The following TAX1BP1 variants were observed in gnomAD, a reference collection of about 807,000 sequenced individuals.
The protein encoded by TAX1BP1 is Tax1 binding protein 1.
TAX1BP1 carries 62 observed loss-of-function variants against 97.7 expected under a neutral mutation model. The ratio of observed to expected loss-of-function variants is 0.63; its 90% CI spans 0.52 to 0.78. The LOEUF is 0.78. Ranked by LOEUF, TAX1BP1 falls within the 30% of genes least tolerant of loss-of-function variation. The pLI, the probability that TAX1BP1 is intolerant of heterozygous loss-of-function variation, is 0.00. For missense variants in TAX1BP1, 867 were observed against 916.1 expected (o/e 0.95, Z 0.69); for synonymous variants, 340 against 304.2 (o/e 1.12, Z -1.23).
At chr7:27,790,571 A>G (rs4719909) in intron 8 of TAX1BP1, among the ~76,000 whole-genome samples, 279 of 152,098 alleles carry the variant, frequency 1.8e-3, no homozygotes, top group Admixed American at 4.3e-3. Context: ...ATCATAGTTT[A>G]TCATAAATTC....
intron 4 of TAX1BP1, among the ~76,000 whole-genome samples, chr7:27,766,853 A>G (rs1386205131): frequency 6.6e-6 from 1 of 152,164 alleles, no homozygotes; most frequent in Non-Finnish European, 1.5e-5. Context: ...CAGTCTCTTA[A>G]TTTAGATTGG....
intron 8 of TAX1BP1, among the ~76,000 whole-genome samples, chr7:27,789,844 G>C (rs529824085): frequency 6.6e-6 from 1 of 152,078 alleles, no homozygotes; most frequent in East Asian, 1.9e-4. Context: ...CAGATTGCCA[G>C]TGCAAACATG....
intron 2 of TAX1BP1, among the ~76,000 whole-genome samples, chr7:27,749,471 T>A (rs17155769): frequency 0.042 from 6,359 of 152,318 alleles, 417 homozygotes; most frequent in African/African-American, 0.14. Context: ...TTTTATGGGC[T>A]TGAAATTTTG....
At chr7:27,741,342 A>T (rs929848913) in intron 1 of TAX1BP1, among the ~76,000 whole-genome samples, 1 of 152,176 alleles carries the variant, frequency 6.6e-6, no homozygotes, top group African/African-American at 2.4e-5. Context: ...TTAGGGAAGG[A>T]GCTTAGGACA....
intron 1 of TAX1BP1, among the ~76,000 whole-genome samples, chr7:27,748,246 T>A (rs377617435): frequency 3.9e-5 from 6 of 152,346 alleles, no homozygotes; most frequent in East Asian, 3.9e-4. Flanking sequence ...AGGGCTAGGC[T>A]TTCCAGGAGA....
chr7:27,791,312 AC>A lies in TAX1BP1; in HGVS notation c.1039-693del, dbSNP rs541857103. The stretch of plus-strand genomic sequence containing the variant: ...AGATTAAAAACAGGAAGTTGAATAA[AC>A]TAAATTTATTGTGTTTATAATGTTT... On this transcript the variant is annotated intron_variant, in intron 8 of 16. Transcript: ENST00000396319. Among the ~76,000 whole-genome samples, 306 of 152,260 alleles carry A rather than the reference AC, an allele frequency of 2.0e-3. 1 individual carries two copies. The highest frequency in any genetic ancestry group is 7.1e-3 in the Admixed American group (108 of 15,284).
Position 27,794,322 on chromosome 7 carries a change from G to A in TAX1BP1, c.1411-1G>A. On this transcript the variant is annotated splice_acceptor_variant, in intron 10 of 16. Transcript: ENST00000396319. LOFTEE classifies it high-confidence loss of function. ...TAACAACTTATTAACATTTTGAATA[G>A]GCTAATAATAATAATGTCTTCACAA... 1.2e-6 allele frequency: 2 copies of A among 1,607,380 alleles called. No homozygotes were observed. The highest frequency in any genetic ancestry group is 1.7e-6 in the Non-Finnish European group (2 of 1,176,038).
intron 15 of TAX1BP1, among the ~76,000 whole-genome samples, chr7:27,821,624 G>T (rs1014817452): frequency 7.2e-6 from 1 of 138,292 alleles, no homozygotes; most frequent in African/African-American, 2.7e-5. Context: ...AACAGAGCAA[G>T]ACTCGGTCTC....
At chr7:27,782,391 C>T (rs1645291756) in intron 5 of TAX1BP1, among the ~76,000 whole-genome samples, 1 of 151,870 alleles carries the variant, frequency 6.6e-6, no homozygotes, top group Admixed American at 6.6e-5. Context: ...AGGCACACAC[C>T]ACCACGCCCA....
chr7:27,771,150 C>G (rs879822448), intron 5 of TAX1BP1, among the ~76,000 whole-genome samples: 1 of 52,158 alleles, frequency 1.9e-5, no homozygotes, highest in Non-Finnish European at 3.7e-5. Context: ...TTGTAATTCT[C>G]TTGCTGCTTT....
chr7:27,741,570 G>A (rs1180220571), intron 1 of TAX1BP1, among the ~76,000 whole-genome samples: 2 of 151,160 alleles, frequency 1.3e-5, no homozygotes, highest in Admixed American at 6.6e-5. Context: ...GCGCGATCGC[G>A]GCTCATTGCA....
At chr7:27,794,577 C>A in intron 11 of TAX1BP1, 131 bp downstream of exon 11, 4 of 955,412 alleles carry the variant, frequency 4.2e-6, no homozygotes, top group South Asian at 2.4e-5. Flanking sequence ...ATTGAGGCAA[C>A]AAGAAAATAA....
chr7:27,800,091 G>GAACT lies in TAX1BP1; in HGVS notation c.1764+1_1764+2insAACT, dbSNP rs1790075306. ...AGCTGAAGTACAGGACAATTATAAA[G>GAACT]TAAGTTTGGTACTCCTTGTATGTAA... On this transcript the variant is annotated splice_donor_variant, in intron 13 of 16. Transcript: ENST00000396319. LOFTEE classifies it high-confidence loss of function. 6.4e-7 allele frequency: 1 copy of GAACT among 1,569,394 alleles called. No individual in the cohort carries two copies.
At chr7:27,793,265 C>G in intron 10 of TAX1BP1, 53 bp downstream of exon 10, 1 of 1,443,534 alleles carries the variant, frequency 6.9e-7, no homozygotes, top group Non-Finnish European at 9.2e-7. Flanking sequence ...TATTTTTGTT[C>G]GAAAATCAAA....
chr7:27,828,583 C>G, intron 16 of TAX1BP1, 45 bp from the exon 17 acceptor site: 1 of 1,575,950 alleles, frequency 6.3e-7, no homozygotes, highest in Non-Finnish European at 8.7e-7. Flanking sequence ...AGTTGTTGTT[C>G]TACATTTATT....
At chr7:27,744,885 A>G (rs1389437259) in intron 1 of TAX1BP1, among the ~76,000 whole-genome samples, 1 of 152,224 alleles carries the variant, frequency 6.6e-6, no homozygotes, top group Non-Finnish European at 1.5e-5. Flanking sequence ...TGGAATTTAG[A>G]CCAAAGACTT....
At position 27,829,182 on chromosome 7, in the gene TAX1BP1, A is replaced by C. The variant is rs887899112; in HGVS notation, c.*353A>C. 1.2e-5 allele frequency: 2 copies of C among 170,964 alleles called. No individual in the cohort carries two copies. Among genetic ancestry groups the C allele is most frequent in the East Asian group, 3.1e-4 (2 of 6,354 alleles). 10.6% of individuals were successfully genotyped at this position (170,964 alleles called of 1,614,324 possible). On this transcript the variant is annotated 3_prime_UTR_variant, in exon 17 of 17. Coordinates refer to ENST00000396319, the MANE Select transcript of TAX1BP1 (RefSeq NM_006024.7). ...ATTAGTGTGCTAGATTATTTAGCAG[A>C]ATATTCACAAGTTTCTGTTGACCTT...
At position 27,758,050 on chromosome 7, in the gene TAX1BP1, G is replaced by A. The variant is rs1189332165; in HGVS notation, c.182G>A (p.Arg61His). ...CTTTAGGTTGGATGGAGTACTGCTC[G>A]TGATTATTACACGTTTTTATGGTCC... The part of the protein sequence containing the change: ...GIFKVGWSTA[R>H]DYYTFLWSPM... Residue 61 changes from arginine to histidine, a missense_variant, in exon 3 of 17, where the codon CGT becomes CAT. Physicochemically the swap from Arg to His is conservative, Grantham distance 29. Around this residue, in one of 3 missense-constraint regions of TAX1BP1, gnomAD observed 822 missense variants for 851.4 expected, o/e 0.97. Coordinates refer to ENST00000396319, the MANE Select transcript of TAX1BP1 (RefSeq NM_006024.7). 4.3e-6 allele frequency: 7 copies of A among 1,611,152 alleles called. No homozygotes were observed. Among genetic ancestry groups the A allele is most frequent in the Non-Finnish European group, 4.2e-6 (5 of 1,178,730 alleles).
intron 4 of TAX1BP1, among the ~76,000 whole-genome samples, chr7:27,766,404 AGC>A (rs1788638201): frequency 2.6e-5 from 3 of 116,406 alleles, no homozygotes; most frequent in Non-Finnish European, 5.1e-5. Flanking sequence ...TGGGCGACAG[AGC>A]GAGACTCCGT....
Sources: gnomAD v4.1 joint callset for allele counts (sites outside exome capture counted in the v4.1 genomes callset) on GRCh38, gnomAD v4.1.1 for gene constraint, gnomAD v4.1.1 regional missense constraint, MANE v1.5 for transcripts, NCBI Gene and HGNC (gene_info 2026-07-23, HGNC 2026-07-21) for gene names.